The following INSR variants were observed in gnomAD, a reference collection of about 807,000 sequenced individuals.
INSR encodes IR.
In INSR, 67 loss-of-function variants were observed where a neutral mutation model predicts 142.6. That is an observed-to-expected ratio of 0.47 (90% CI 0.39 to 0.58). INSR has a LOEUF of 0.58. Among genes scored for constraint, INSR ranks in the 20% least tolerant of loss-of-function variants. The pLI, the probability that INSR is intolerant of heterozygous loss-of-function variation, is 0.00. For synonymous variants in INSR, 756 were observed against 743.1 expected (o/e 1.02, Z -0.28); for missense variants, 1,248 against 1,833.2 (o/e 0.68, Z 5.83).
At chr19:7,165,409 A>C (rs1174396414) in intron 8 of INSR, among the ~76,000 whole-genome samples, 1 of 152,092 alleles carries the variant, frequency 6.6e-6, no homozygotes, top group Non-Finnish European at 1.5e-5. Flanking sequence ...AAAATGACCA[A>C]AGGCTGAAGC....
chr19:7,115,401 T>C lies in INSR; in HGVS notation c.*1655A>G, dbSNP rs1972299267. The stretch of plus-strand genomic sequence containing the variant: ...CCTCCAGACTCTACTCTCTTAGGGA[T>C]TGCAACACTGTAAGCACCTGAGCAT... On this transcript the variant is annotated 3_prime_UTR_variant, in exon 22 of 22. Coordinates refer to ENST00000302850, the MANE Select transcript of INSR (RefSeq NM_000208.4). The C allele has an allele frequency of 6.6e-6, 1 of 152,148 alleles. No individual in the cohort carries two copies. Among genetic ancestry groups the C allele is most frequent in the South Asian group, 2.1e-4 (1 of 4,822 alleles). The allele number at this position is 152,148 out of a possible 1,614,324, so 9.4% of individuals were successfully genotyped here.
intron 2 of INSR, among the ~76,000 whole-genome samples, chr19:7,199,924 GA>G (rs1017102153): frequency 1.5e-4 from 23 of 151,634 alleles, no homozygotes; most frequent in African/African-American, 3.4e-4. Flanking sequence ...AATCTTGTAG[GA>G]AAAAAAAAAT....
chr19:7,137,862 G>GT (rs534639808), intron 13 of INSR, among the ~76,000 whole-genome samples: 1,652 of 147,562 alleles, frequency 0.011, 36 homozygotes, highest in African/African-American at 0.038. Flanking sequence ...ATCCAGCCAT[G>GT]TGAGAAGCTC....
At chr19:7,255,505 C>CTTT (rs55764352) in intron 2 of INSR, among the ~76,000 whole-genome samples, 2 of 135,096 alleles carry the variant, frequency 1.5e-5, no homozygotes, top group Non-Finnish European at 3.2e-5. Context: ...CCTGTCTTTT[C>CTTT]TTTTTTTTTT....
rs778506783 is a variant in INSR, at chr19:7,122,789, G to A, written c.3370-16C>T. The A allele has an allele frequency of 2.3e-5, 37 of 1,614,026 alleles. No individual in the cohort carries two copies. The highest frequency in any genetic ancestry group is 2.9e-5 in the Non-Finnish European group (34 of 1,179,884). ...CAGGATTATTCTAAAACAGAAACAC[G>A]GGGTTGGTGTTTCAGCAGCACTGGG... On this transcript the variant is annotated splice_polypyrimidine_tract_variant and intron_variant, in intron 18 of 21. Coordinates refer to ENST00000302850, the MANE Select transcript of INSR (RefSeq NM_000208.4).
chr19:7,173,120 G>A (rs1974057290), intron 4 of INSR, among the ~76,000 whole-genome samples: 1 of 152,114 alleles, frequency 6.6e-6, no homozygotes, highest in African/African-American at 2.4e-5. Context: ...ATAGGGAAAA[G>A]TTGCCCATTT....
At chr19:7,281,036 A>G (rs1329274960) in intron 1 of INSR, among the ~76,000 whole-genome samples, 1 of 152,192 alleles carries the variant, frequency 6.6e-6, no homozygotes, top group African/African-American at 2.4e-5. Flanking sequence ...TGACTCCTCT[A>G]GTCTATGACA....
chr19:7,180,521 C>G (rs1484246180), intron 3 of INSR, among the ~76,000 whole-genome samples: 1 of 64,076 alleles, frequency 1.6e-5, no homozygotes, highest in East Asian at 2.7e-4. Context: ...CAGACCAAGA[C>G]CTTGTCTCAA....
intron 1 of INSR, among the ~76,000 whole-genome samples, chr19:7,279,868 G>C (rs975302512): frequency 1.3e-5 from 2 of 151,858 alleles, no homozygotes; most frequent in Admixed American, 1.3e-4. Context: ...CCAGCTACTC[G>C]GGAGGTTGAG....
chr19:7,216,952 T>C lies in INSR; in HGVS notation c.653-32315A>G, dbSNP rs1975452378. On this transcript the variant is annotated intron_variant, in intron 2 of 21. Transcript: ENST00000302850. The surrounding 1 kb of genome is among the most constrained non-coding windows in gnomAD (Gnocchi z 4.2). ...TCAACCTCCCAAGTAGCTGGGAATA[T>C]AGATGTGTGCCACCAAGCCCAGCTA... Among the ~76,000 whole-genome samples the C allele has an allele frequency of 6.6e-6, 1 of 151,334 alleles. No individual in the cohort carries two copies. The highest frequency in any genetic ancestry group is 6.6e-5 in the Admixed American group (1 of 15,166).
At chr19:7,151,891 C>T (rs922276142) in intron 10 of INSR, 2 of 151,978 alleles carry the variant, frequency 1.3e-5, no homozygotes, top group African/African-American at 2.4e-5. Flanking sequence ...CTCCTGGCCT[C>T]TTGTGATCCT....
intron 6 of INSR, among the ~76,000 whole-genome samples, chr19:7,169,592 A>G (rs946678336): frequency 6.6e-6 from 1 of 151,600 alleles, no homozygotes; most frequent in Non-Finnish European, 1.5e-5. Flanking sequence ...AAAAAAAAAA[A>G]AAAAAAGAAG....
rs558523300 is a variant in INSR, at chr19:7,172,918, T to C, written c.1124-484A>G. Among the ~76,000 whole-genome samples, 4 of 152,226 alleles carry C rather than the reference T, an allele frequency of 2.6e-5. No individual in the cohort carries two copies. In the East Asian group the frequency reaches 5.8e-4, roughly 22 times the overall value. Reference sequence around the variant, plus strand: ...ATAGCAACCCCTGTTAGTCTCCATTTTAGAGGTTGACAAATGACAGCCCAC... The same window carrying C: ...ATAGCAACCCCTGTTAGTCTCCATTCTAGAGGTTGACAAATGACAGCCCAC... On this transcript the variant is annotated intron_variant, in intron 4 of 21. Coordinates refer to ENST00000302850, the MANE Select transcript of INSR (RefSeq NM_000208.4).
At chr19:7,201,363 G>C (rs1241795811) in intron 2 of INSR, among the ~76,000 whole-genome samples, 1 of 152,100 alleles carries the variant, frequency 6.6e-6, no homozygotes, top group African/African-American at 2.4e-5. Context: ...AATGACATCT[G>C]TTTTTAATCC....
intron 2 of INSR, among the ~76,000 whole-genome samples, chr19:7,202,996 G>GTTTTTTT (rs371572449): frequency 4.3e-4 from 29 of 67,780 alleles, no homozygotes; most frequent in African/African-American, 7.6e-4. Flanking sequence ...GGGTTTTGTT[G>GTTTTTTT]TTTTTTTTTT....
At chr19:7,251,597 T>A (rs1600094247) in intron 2 of INSR, among the ~76,000 whole-genome samples, 1 of 151,866 alleles carries the variant, frequency 6.6e-6, no homozygotes, top group South Asian at 2.1e-4. Flanking sequence ...GCTAAATATT[T>A]GTCTACAGAT....
chr19:7,239,095 G>A (rs1459101594), intron 2 of INSR, among the ~76,000 whole-genome samples: 2 of 151,364 alleles, frequency 1.3e-5, no homozygotes, highest in Non-Finnish European at 2.9e-5. Context: ...ATCTCAAAGA[G>A]ATTTAAAAAG....
chr19:7,198,892 CTT>C (rs200740237), intron 2 of INSR, among the ~76,000 whole-genome samples: 6 of 143,346 alleles, frequency 4.2e-5, no homozygotes, highest in Admixed American at 3.5e-4. Flanking sequence ...CATAAATACA[CTT>C]TTTTTGGGGG....
intron 13 of INSR, among the ~76,000 whole-genome samples, chr19:7,135,132 C>T (rs1005910177): frequency 2.2e-5 from 3 of 138,044 alleles, no homozygotes; most frequent in African/African-American, 8.1e-5. Flanking sequence ...CCATGCTTAT[C>T]GTGTGACAAT....
Sources: gnomAD v4.1 joint callset for allele counts (sites outside exome capture counted in the v4.1 genomes callset) on GRCh38, gnomAD v4.1.1 for gene constraint, Gnocchi (gnomAD v3.1) non-coding constraint, MANE v1.5 for transcripts, NCBI Gene and HGNC (gene_info 2026-07-23, HGNC 2026-07-21) for gene names.